The following ZNF568 variants were observed in gnomAD, a reference collection of about 807,000 sequenced individuals.
ZNF568 encodes the protein zinc finger protein 568.
Under a neutral mutation model 18.1 loss-of-function variants are expected in ZNF568, and 11 were observed. That is an observed-to-expected ratio of 0.61 (90% CI 0.38 to 1.00). ZNF568 has a LOEUF of 1.00. Among genes scored for constraint, ZNF568 ranks in the 50% least tolerant of loss-of-function variants. The probability of loss-of-function intolerance (pLI) is 0.01; values close to 1 mark genes in which losing one functional copy is unlikely to be tolerated. For missense variants in ZNF568, 639 were observed against 768.2 expected, an observed-to-expected ratio of 0.83 and a Z score of 1.99; for synonymous variants, 213 against 246.6, an observed-to-expected ratio of 0.86 and a Z score of 1.28.
At chr19:36,975,743 G>GGTGTGATCTGA (rs2074279663) in intron 7 of ZNF568, among the ~76,000 whole-genome samples, 1 of 90,124 alleles carries the variant, frequency 1.1e-5, no homozygotes, top group Non-Finnish European at 2.1e-5. Context: ...GGAGTGCAGT[G>GGTGTGATCTGA]GTGTGATCTG....
intron 4 of ZNF568, among the ~76,000 whole-genome samples, chr19:36,933,237 A>G (rs536774687): frequency 2.7e-5 from 4 of 149,348 alleles, no homozygotes; most frequent in Admixed American, 2.0e-4. Context: ...ATTCCCTTGC[A>G]TGCAGACAGT....
At position 36,951,675 on chromosome 19, in the gene ZNF568, T is replaced by TTC. The variant is rs1371446355; in HGVS notation, c.*588_*589insCT. On this transcript the variant is annotated 3_prime_UTR_variant, in exon 7 of 7. Coordinates refer to ENST00000333987, the MANE Select transcript of ZNF568 (RefSeq NM_198539.4). ...CATACTAAAAAATCAATATTCTTTTTTTTTTTTTTTTTTTTTTGAGACAAG... is the reference window on the plus strand; with the variant it reads ...CATACTAAAAAATCAATATTCTTTTTTCTTTTTTTTTTTTTTTTTGAGACAAG... 1 of 149,472 alleles carries TTC rather than the reference T, an allele frequency of 6.7e-6. No individual in the cohort carries two copies. The highest frequency in any genetic ancestry group is 2.5e-5 in the African/African-American group (1 of 40,654). 9.3% of individuals were successfully genotyped at this position (149,472 alleles called of 1,614,324 possible).
At chr19:36,995,625 AC>A (rs1293432922) in intron 4 of ZNF568, among the ~76,000 whole-genome samples, 1 of 151,016 alleles carries the variant, frequency 6.6e-6, no homozygotes, top group Non-Finnish European at 1.5e-5. Context: ...TTCTTCCATT[AC>A]TACCTTCTGT....
intron 6 of ZNF568, among the ~76,000 whole-genome samples, chr19:36,966,794 C>T (rs1019874948): frequency 1.2e-4 from 18 of 152,188 alleles, no homozygotes; most frequent in Non-Finnish European, 1.8e-4. Flanking sequence ...CGATGCTCTG[C>T]GCCAGCTGTG....
intron 2 of ZNF568, among the ~76,000 whole-genome samples, chr19:36,988,230 A>G (rs2074393378): frequency 6.6e-6 from 1 of 152,190 alleles, no homozygotes; most frequent in South Asian, 2.1e-4. Context: ...CTAGGATCAC[A>G]GGCATGAGCC....
At chr19:36,926,618 G>T (rs1229078385) in intron 4 of ZNF568, among the ~76,000 whole-genome samples, 4 of 152,158 alleles carry the variant, frequency 2.6e-5, no homozygotes, top group Non-Finnish European at 4.4e-5. Context: ...CCCCATAAAT[G>T]ATAGGCATTG....
chr19:36,983,653 A>G (rs1321048031), downstream of ZNF568, among the ~76,000 whole-genome samples: 1 of 152,100 alleles, frequency 6.6e-6, no homozygotes, highest in African/African-American at 2.4e-5. Flanking sequence ...TGTTGTATCT[A>G]TCAGTTATTT....
chr19:36,940,598 A>C (rs893791099), intron 6 of ZNF568, among the ~76,000 whole-genome samples: 1 of 152,222 alleles, frequency 6.6e-6, no homozygotes, highest in Non-Finnish European at 1.5e-5. Flanking sequence ...TTCAAAATAA[A>C]CGTGGAAGAA....
intron 1 of ZNF568, among the ~76,000 whole-genome samples, chr19:36,917,183 A>G (rs2073354367): frequency 6.6e-6 from 1 of 152,186 alleles, no homozygotes. Context: ...CTGAGTGGAT[A>G]GGCTGCGTGA....
intron 6 of ZNF568, among the ~76,000 whole-genome samples, chr19:36,972,366 A>G (rs1318961241): frequency 6.6e-6 from 1 of 151,870 alleles, no homozygotes; most frequent in East Asian, 1.9e-4. Context: ...GCAGCCCACT[A>G]TATTGGTTTT....
At chr19:36,979,017 C>G in exon 8 of ZNF568, 1 of 329,684 alleles carries the variant, frequency 3.0e-6, no homozygotes, top group Non-Finnish European at 5.8e-6. Context: ...GAGTTTTGCC[C>G]TTGTTGCCCA....
At chr19:36,957,042 A>T (rs891944743), downstream of ZNF568, among the ~76,000 whole-genome samples, 3 of 152,120 alleles carry the variant, frequency 2.0e-5, no homozygotes, top group African/African-American at 7.2e-5. Context: ...ACAACTTTCA[A>T]ATACTTTAAA....
chr19:36,944,299 G>T (rs1039033038), intron 6 of ZNF568, among the ~76,000 whole-genome samples: 8 of 151,744 alleles, frequency 5.3e-5, no homozygotes, highest in African/African-American at 1.9e-4. Context: ...TCGGGAGGCT[G>T]AGGCAGGAGA....
downstream of ZNF568, among the ~76,000 whole-genome samples, chr19:36,955,613 C>T (rs2074102241): frequency 6.6e-6 from 1 of 152,114 alleles, no homozygotes; most frequent in Non-Finnish European, 1.5e-5. Context: ...ATGGTGAATT[C>T]TTCTTTTCCT....
At chr19:36,986,065 A>G (rs5008750) in intron 2 of ZNF568, among the ~76,000 whole-genome samples, 81,006 of 151,964 alleles carry the variant, frequency 0.53, 22,124 homozygotes, top group African/African-American at 0.62. Context: ...CAGGACCACC[A>G]TAAAGTAAAC....
intron 6 of ZNF568, among the ~76,000 whole-genome samples, chr19:36,962,699 C>G (rs1266397051): frequency 6.6e-6 from 1 of 152,096 alleles, no homozygotes; most frequent in Non-Finnish European, 1.5e-5. Flanking sequence ...ATTTGCTTGT[C>G]TAGAAAGGTC....
At chr19:36,966,131 T>C (rs1474396643) in intron 6 of ZNF568, among the ~76,000 whole-genome samples, 5 of 151,884 alleles carry the variant, frequency 3.3e-5, no homozygotes, top group Non-Finnish European at 4.4e-5. Flanking sequence ...CTAAAAAATA[T>C]AAAAATCAGT....
At chr19:36,982,347 G>A (rs1330156978), downstream of ZNF568, among the ~76,000 whole-genome samples, 5 of 151,842 alleles carry the variant, frequency 3.3e-5, no homozygotes, top group African/African-American at 9.7e-5. Context: ...TTGCTAATTC[G>A]CTCTTGAGTT....
chr19:36,963,505 G>T (rs899120453), intron 6 of ZNF568, among the ~76,000 whole-genome samples: 1 of 152,164 alleles, frequency 6.6e-6, no homozygotes, highest in Non-Finnish European at 1.5e-5. Flanking sequence ...ATAACCAGCT[G>T]CTGTTTCTCC....
Sources: allele counts gnomAD v4.1 joint callset (sites outside exome capture counted in the v4.1 genomes callset), GRCh38; gene constraint gnomAD v4.1.1; transcripts MANE v1.5; gene names NCBI Gene and HGNC (gene_info 2026-07-23, HGNC 2026-07-21).